The following ATP8A1 variants were observed in gnomAD, a reference collection of about 807,000 sequenced individuals.
The protein encoded by ATP8A1 is phospholipid-transporting ATPase IA.
In ATP8A1, 90 loss-of-function variants were observed where a neutral mutation model predicts 177.7. The ratio of observed to expected loss-of-function variants is 0.51; its 90% CI spans 0.43 to 0.60. The LOEUF is 0.60. Among genes scored for constraint, ATP8A1 ranks in the 20% least tolerant of loss-of-function variants. The pLI, the probability that ATP8A1 is intolerant of heterozygous loss-of-function variation, is 0.00. For missense variants in ATP8A1, 1,072 were observed against 1,392.8 expected (o/e 0.77, Z 3.67); for synonymous variants, 493 against 485.9 (o/e 1.01, Z -0.19).
intron 1 of ATP8A1, among the ~76,000 whole-genome samples, chr4:42,654,745 C>G (rs1451286076): frequency 1.3e-5 from 2 of 152,172 alleles, no homozygotes; most frequent in East Asian, 3.8e-4. Flanking sequence ...TTACAAGTGT[C>G]TGAGTCACAT....
intron 5 of ATP8A1, 80 bp from the exon 6 acceptor site, chr4:42,600,598 C>T (rs947276665): frequency 7.0e-5 from 91 of 1,301,500 alleles, no homozygotes; most frequent in South Asian, 3.4e-4. Context: ...TAATTTTAAA[C>T]GAATAGCTTC....
chr4:42,434,889 G>A (rs377194495), intron 33 of ATP8A1, among the ~76,000 whole-genome samples: 33 of 152,310 alleles, frequency 2.2e-4, no homozygotes, highest in African/African-American at 7.5e-4. Flanking sequence ...AGTCTCTGAC[G>A]ACTGTGCAGA....
rs914013637 is a variant in ATP8A1 at position 42,409,644 on chromosome 4, T to C, written c.*3272A>G. 13 of 152,140 alleles carry C rather than the reference T, an allele frequency of 8.5e-5. No homozygotes were observed. Among genetic ancestry groups the C allele is most frequent in the Admixed American group, 6.5e-4 (10 of 15,280 alleles). The allele number at this position is 152,140 out of a possible 1,614,324, so 9.4% of individuals were successfully genotyped here. A position where few individuals can be genotyped will look rare whatever the true frequency, so the allele number is the denominator to read the frequency against. ...GCAACTGCACAAAAATAAACACGATTATTTAGCTTTGTAGTAATTATGACA... is the reference window on the plus strand; with the variant it reads ...GCAACTGCACAAAAATAAACACGATCATTTAGCTTTGTAGTAATTATGACA... On this transcript the variant is annotated 3_prime_UTR_variant, in exon 37 of 37. Transcript: ENST00000381668.
intron 25 of ATP8A1, among the ~76,000 whole-genome samples, chr4:42,468,438 CACACACACACACACAG>C (rs2153184264): frequency 6.6e-6 from 1 of 151,702 alleles, no homozygotes; most frequent in Non-Finnish European, 1.5e-5. Flanking sequence ...TATACACACA[CACACACACACACACAG>C]ACACACACAT....
In ATP8A1 at chr4:42,412,725, G is replaced by C. The variant is rs1385943994; in HGVS notation, c.*191C>G. On this transcript the variant is annotated 3_prime_UTR_variant, in exon 37 of 37. Coordinates refer to ENST00000381668, the MANE Select transcript of ATP8A1 (RefSeq NM_006095.2). Reference sequence around the variant, plus strand: ...AAATACCTTAAAAAAATCCAAAAGAGATGGTGTTACAGTACAGTTGCACAG... The same window carrying C: ...AAATACCTTAAAAAAATCCAAAAGACATGGTGTTACAGTACAGTTGCACAG... 6.4e-6 allele frequency: 3 copies of C among 469,246 alleles called. No individual in the cohort carries two copies. Among genetic ancestry groups the C allele is most frequent in the African/African-American group, 6.0e-5 (3 of 49,862 alleles). 29.1% of individuals were successfully genotyped at this position (469,246 alleles called of 1,614,324 possible). A position where few individuals can be genotyped will look rare whatever the true frequency, so the allele number is the denominator to read the frequency against.
chr4:42,439,652 G>C (rs1560325222), intron 33 of ATP8A1, among the ~76,000 whole-genome samples: 1 of 152,214 alleles, frequency 6.6e-6, no homozygotes, highest in Non-Finnish European at 1.5e-5. Context: ...GTGGAAGAAG[G>C]ACTGAGGAAG....
intron 23 of ATP8A1, among the ~76,000 whole-genome samples, chr4:42,503,907 T>C (rs1724101614): frequency 6.6e-6 from 1 of 152,280 alleles, no homozygotes; most frequent in East Asian, 1.9e-4. Context: ...CAGGTGGCTG[T>C]CTCTTGGATC....
chr4:42,565,028 G>A (rs777110080), intron 15 of ATP8A1, among the ~76,000 whole-genome samples: 16 of 152,206 alleles, frequency 1.1e-4, no homozygotes, highest in Non-Finnish European at 1.3e-4. Flanking sequence ...CTCTCTTTGC[G>A]TGCTGCCATC....
chr4:42,446,801 G>A (rs1262554600), intron 30 of ATP8A1, among the ~76,000 whole-genome samples, 157 bp from the exon 31 acceptor site: 1 of 151,144 alleles, frequency 6.6e-6, no homozygotes, highest in Non-Finnish European at 1.5e-5. Flanking sequence ...AAACACTCTT[G>A]AGTGCTAACA....
intron 14 of ATP8A1, 94 bp downstream of exon 14, chr4:42,574,525 C>T: frequency 1.0e-6 from 1 of 984,162 alleles, no homozygotes; most frequent in Non-Finnish European, 1.5e-6. Context: ...CCAAACAACC[C>T]CATACCCTCC....
chr4:42,509,081 AAATT>A (rs1240679496), intron 22 of ATP8A1, among the ~76,000 whole-genome samples: 1 of 152,246 alleles, frequency 6.6e-6, no homozygotes, highest in African/African-American at 2.4e-5. Flanking sequence ...TGGCTTAAAT[AAATT>A]AATTTTCCTC....
At position 42,482,073 on chromosome 4, in the gene ATP8A1, G is replaced by A. The variant is rs556099776; in HGVS notation, c.2324+3423C>T. On this transcript the variant is annotated intron_variant, in intron 25 of 36. Transcript: ENST00000381668. Reference sequence around the variant, plus strand: ...ATCCCAGCACTTTGGGAGGCCGAGTGTGTGGACTGCCTGAACTCAGGAGTT... The same window carrying A: ...ATCCCAGCACTTTGGGAGGCCGAGTATGTGGACTGCCTGAACTCAGGAGTT... Among the ~76,000 whole-genome samples, 291 of 152,264 alleles carry A rather than the reference G, an allele frequency of 1.9e-3. 1 individual carries two copies. Among genetic ancestry groups the A allele is most frequent in the African/African-American group, 6.9e-3 (285 of 41,556 alleles).
At chr4:42,601,478 AT>A (rs1380850963) in intron 5 of ATP8A1, among the ~76,000 whole-genome samples, 14 of 151,068 alleles carry the variant, frequency 9.3e-5, no homozygotes, top group South Asian at 4.2e-4. Context: ...ATCCAGTATA[AT>A]TTTTTTTTCC....
chr4:42,510,377 A>G (rs956074193), intron 22 of ATP8A1, among the ~76,000 whole-genome samples: 26 of 152,196 alleles, frequency 1.7e-4, no homozygotes, highest in African/African-American at 5.5e-4. Flanking sequence ...CAGCACCACA[A>G]CTGTTGAATT....
At chr4:42,438,708 G>A (rs1003789092) in intron 33 of ATP8A1, among the ~76,000 whole-genome samples, 13 of 152,064 alleles carry the variant, frequency 8.5e-5, no homozygotes, top group African/African-American at 2.7e-4. Flanking sequence ...AAGACAAAAA[G>A]AGTTATCACC....
intron 20 of ATP8A1, among the ~76,000 whole-genome samples, chr4:42,530,685 G>A (rs1275247647): frequency 1.3e-5 from 2 of 152,208 alleles, no homozygotes; most frequent in South Asian, 2.1e-4. Context: ...AGGGTGGAAT[G>A]GCCTTTTGAG....
intron 1 of ATP8A1, among the ~76,000 whole-genome samples, chr4:42,645,092 A>G (rs748037783): frequency 2.8e-4 from 42 of 152,246 alleles, no homozygotes; most frequent in Admixed American, 1.3e-4. Context: ...AAGCTCCCAG[A>G]GTAGATATAA....
chr4:42,556,050 G>GT lies in ATP8A1; in HGVS notation c.1341-11dup. 1 of 1,599,830 alleles carries GT rather than the reference G, an allele frequency of 6.3e-7. No individual in the cohort carries two copies. Among genetic ancestry groups the GT allele is most frequent in the Non-Finnish European group, 8.5e-7 (1 of 1,170,002 alleles). On this transcript the variant is annotated splice_polypyrimidine_tract_variant and intron_variant, in intron 15 of 36. Coordinates refer to ENST00000381668, the MANE Select transcript of ATP8A1 (RefSeq NM_006095.2). ...AAACTGTGAGTTCTGCCTGAAGGGGGTAAAAAATAGAGTAAACCCAGTTCA... is the reference window on the plus strand; with the variant it reads ...AAACTGTGAGTTCTGCCTGAAGGGGGTTAAAAAATAGAGTAAACCCAGTTCA...
chr4:42,436,533 C>T (rs1183210620), intron 33 of ATP8A1, among the ~76,000 whole-genome samples: 1 of 152,232 alleles, frequency 6.6e-6, no homozygotes, highest in African/African-American at 2.4e-5. Flanking sequence ...TTGGAAGTGG[C>T]TCTTGGCCAG....
Sources: allele counts gnomAD v4.1 joint callset (sites outside exome capture counted in the v4.1 genomes callset), GRCh38; gene constraint gnomAD v4.1.1; transcripts MANE v1.5; gene names NCBI Gene and HGNC (gene_info 2026-07-23, HGNC 2026-07-21).